Variants in DIP2C observed in about 807,000 individuals in gnomAD.
DIP2C encodes DIP2 acetate--CoA ligase C (putative).
In DIP2C, 33 loss-of-function variants were observed where a neutral mutation model predicts 192.4. The observed-to-expected ratio is 0.17, with a 90% CI of 0.13 to 0.23. DIP2C has a LOEUF of 0.23. Among genes scored for constraint, DIP2C ranks in the 10% least tolerant of loss-of-function variants. The pLI, the probability that DIP2C is intolerant of heterozygous loss-of-function variation, is 1.00. For synonymous variants in DIP2C, 979 were observed against 864.1 expected (o/e 1.13, Z -2.33); for missense variants, 1,537 against 2,110.1 (o/e 0.73, Z 5.32).
chr10:378,931 G>T (rs1962023347), intron 17 of DIP2C, among the ~76,000 whole-genome samples: 1 of 152,218 alleles, frequency 6.6e-6, no homozygotes, highest in Admixed American at 6.5e-5. Flanking sequence ...GTGAGGACAG[G>T]CGAGTCACCA....
intron 1 of DIP2C, chr10:664,874 TAGAG>T (rs1442279270): frequency 3.3e-5 from 5 of 152,078 alleles, no homozygotes; most frequent in African/African-American, 1.2e-4. Context: ...AAAAACAAAG[TAGAG>T]AGTTCTCACA....
intron 1 of DIP2C, among the ~76,000 whole-genome samples, chr10:487,546 C>T (rs1040338979): frequency 3.3e-5 from 5 of 150,466 alleles, no homozygotes; most frequent in East Asian, 1.9e-4. Context: ...ACACGGAACC[C>T]GCATCCGCCC....
intron 18 of DIP2C, among the ~76,000 whole-genome samples, chr10:369,106 T>A (rs1039717613): frequency 3.3e-5 from 5 of 152,264 alleles, no homozygotes; most frequent in Admixed American, 2.0e-4. Flanking sequence ...TTCACATGTG[T>A]CTGCCTTGGC....
chr10:465,777 T>G (rs2133402325), intron 3 of DIP2C, among the ~76,000 whole-genome samples: 1 of 151,340 alleles, frequency 6.6e-6, no homozygotes, highest in East Asian at 2.0e-4. Context: ...ATGAGTGAAC[T>G]CCCATTCACA....
intron 3 of DIP2C, among the ~76,000 whole-genome samples, chr10:449,630 G>A (rs1589822385): frequency 7.6e-6 from 1 of 131,290 alleles, no homozygotes; most frequent in South Asian, 2.7e-4. Context: ...GGGGACTGTG[G>A]TGGGGTCGGG....
At chr10:672,300 C>G in intron 1 of DIP2C, among the ~76,000 whole-genome samples, 1 of 151,868 alleles carries the variant, frequency 6.6e-6, no homozygotes, top group East Asian at 1.9e-4. Context: ...CACACACGCA[C>G]GCATGGAGAA....
chr10:415,860 T>G lies in DIP2C; in HGVS notation c.768A>C (p.Ala256=). ...GGGTATTGACAAGCTGCTGGATTTT[T>G]GCTGACACCCGGCTACTTACTGGTA... ...DGVPVSSRVS[A]KIQQLVNTLK... is the part of the protein sequence containing the mutation. The change falls in exon 7 of 37, where the codon GCA becomes GCC. Residue 256 remains alanine, a synonymous_variant. Transcript: ENST00000280886. The G allele has an allele frequency of 6.2e-7, 1 of 1,613,902 alleles. No individual in the cohort carries two copies. Among genetic ancestry groups the G allele is most frequent in the Non-Finnish European group, 8.5e-7 (1 of 1,179,976 alleles).
At chr10:597,839 G>A (rs887352836) in intron 1 of DIP2C, among the ~76,000 whole-genome samples, 1 of 152,132 alleles carries the variant, frequency 6.6e-6, no homozygotes, top group East Asian at 1.9e-4. Context: ...GAGGTCCTAG[G>A]GGTCCTGAGT....
chr10:311,612 AGAC>A (rs908496045), intron 31 of DIP2C: 69 of 1,230,366 alleles, frequency 5.6e-5, no homozygotes, highest in Non-Finnish European at 6.2e-5. Context: ...AGAGAACACC[AGAC>A]AACAGAAACC....
chr10:644,362 A>C (rs1468301086), intron 1 of DIP2C, among the ~76,000 whole-genome samples: 1 of 152,270 alleles, frequency 6.6e-6, no homozygotes, highest in Non-Finnish European at 1.5e-5. Flanking sequence ...CCTGGTCACT[A>C]AGAAGAGTGA....
At chr10:550,018 T>C (rs184773326) in intron 1 of DIP2C, among the ~76,000 whole-genome samples, 1,798 of 151,090 alleles carry the variant, frequency 0.012, 12 homozygotes, top group Non-Finnish European at 0.019. Flanking sequence ...TTTTTTTTTT[T>C]TTTTTTCTCT....
At chr10:418,176 C>T (rs796360620) in intron 6 of DIP2C, among the ~76,000 whole-genome samples, 2 of 53,314 alleles carry the variant, frequency 3.8e-5, no homozygotes, top group Non-Finnish European at 6.6e-5. Context: ...CCTCCCTGTC[C>T]ACCTGCACCT....
chr10:391,712 G>A (rs1963467982), intron 10 of DIP2C, among the ~76,000 whole-genome samples: 1 of 152,218 alleles, frequency 6.6e-6, no homozygotes, highest in African/African-American at 2.4e-5. Context: ...ATTGTAGTGA[G>A]CAAGTCACCG....
intron 1 of DIP2C, among the ~76,000 whole-genome samples, chr10:675,618 G>T (rs1360349112): frequency 1.3e-5 from 2 of 151,996 alleles, no homozygotes; most frequent in Non-Finnish European, 2.9e-5. Flanking sequence ...AAATACAAGG[G>T]CTCACTGGAG....
chr10:658,605 A>G (rs527250510), intron 1 of DIP2C, among the ~76,000 whole-genome samples: 124 of 152,334 alleles, frequency 8.1e-4, no homozygotes, highest in African/African-American at 2.9e-3. Flanking sequence ...AGAAATACCA[A>G]TCATTAGCCA....
intron 3 of DIP2C, 137 bp downstream of exon 3, chr10:472,302 G>C (rs748591484): frequency 2.2e-5 from 15 of 667,502 alleles, no homozygotes; most frequent in Non-Finnish European, 3.5e-5. Flanking sequence ...GGGTGTGTCC[G>C]TGCAGAAAGC....
chr10:295,867 G>A (rs1405801812), intron 32 of DIP2C, among the ~76,000 whole-genome samples: 2 of 152,138 alleles, frequency 1.3e-5, no homozygotes, highest in African/African-American at 4.8e-5. Context: ...AAATTAGCTA[G>A]ACGTGATGAT....
chr10:559,972 C>G (rs908817115), intron 1 of DIP2C, among the ~76,000 whole-genome samples: 4 of 142,718 alleles, frequency 2.8e-5, no homozygotes, highest in Non-Finnish European at 4.6e-5. Context: ...ACCTCTCCCC[C>G]CCACTCCTGT....
At chr10:686,983 C>T (rs1157070060) in intron 1 of DIP2C, among the ~76,000 whole-genome samples, 2 of 152,232 alleles carry the variant, frequency 1.3e-5, no homozygotes, top group African/African-American at 2.4e-5. Flanking sequence ...TTTCCATCCT[C>T]CTCTGTAGGA....
Sources: gnomAD v4.1 joint callset for allele counts (sites outside exome capture counted in the v4.1 genomes callset) on GRCh38, gnomAD v4.1.1 for gene constraint, MANE v1.5 for transcripts, NCBI Gene and HGNC (gene_info 2026-07-23, HGNC 2026-07-21) for gene names.